PRKN: variants seen among roughly 807,000 people sequenced by gnomAD.
The protein encoded by PRKN is parkin RBR E3 ubiquitin protein ligase.
In PRKN, 56 loss-of-function variants were observed where a neutral mutation model predicts 59.5. That is an observed-to-expected ratio of 0.94 (90% CI 0.76 to 1.18). PRKN has a LOEUF of 1.18. Among genes scored for constraint, PRKN ranks in the 50% most tolerant of loss-of-function variants. The pLI, the probability that PRKN is intolerant of heterozygous loss-of-function variation, is 0.00. For synonymous variants in PRKN, 250 were observed against 222.1 expected (o/e 1.13, Z -1.12); for missense variants, 657 against 596.4 (o/e 1.10, Z -1.06).
Position 161,356,341 on chromosome 6 carries a change from G to A in PRKN, c.1285+3747C>T, listed in dbSNP as rs1784748206. The stretch of plus-strand genomic sequence containing the variant: ...TGGGGTAAGATCTGAAGGACAGGAA[G>A]GAGCCAGCCATGGGCAGTGACGACA... On this transcript the variant is annotated intron_variant, in intron 11 of 11. Coordinates refer to ENST00000366898, the MANE Select transcript of PRKN (RefSeq NM_004562.3). This position sits in a 1 kb window ranked among gnomAD's most constrained non-coding sequence, Gnocchi z 7.8. Among the ~76,000 whole-genome samples, 1 of 152,182 alleles carries A rather than the reference G, an allele frequency of 6.6e-6. No individual in the cohort carries two copies.
At chr6:162,668,577 A>AT (rs1376706987) in intron 1 of PRKN, among the ~76,000 whole-genome samples, 1 of 152,094 alleles carries the variant, frequency 6.6e-6, no homozygotes, top group Non-Finnish European at 1.5e-5. Flanking sequence ...AGGGAGCACC[A>AT]TAAGTGGCTG....
chr6:162,095,787 C>T (rs1779699269), intron 4 of PRKN, among the ~76,000 whole-genome samples: 2 of 152,120 alleles, frequency 1.3e-5, no homozygotes, highest in South Asian at 4.1e-4. Context: ...TGTGTGTCTC[C>T]AGGCTACCTT....
At chr6:161,364,182 A>AG (rs1429746088) in intron 10 of PRKN, among the ~76,000 whole-genome samples, 1 of 149,318 alleles carries the variant, frequency 6.7e-6, no homozygotes, top group African/African-American at 2.5e-5. Flanking sequence ...AAAAAAAAAA[A>AG]AAAAAGAAAA....
At chr6:162,124,823 C>T (rs1317367478) in intron 4 of PRKN, among the ~76,000 whole-genome samples, 3 of 152,096 alleles carry the variant, frequency 2.0e-5, no homozygotes, top group Admixed American at 6.6e-5. Flanking sequence ...AAGTAACCTT[C>T]GGGACCATCC....
chr6:161,926,172 C>A lies in PRKN; in HGVS notation c.734+47130G>T, dbSNP rs150949762. ...GGTGAACACTTAGAATGACAAGGAA[C>A]TGCCACTTCGTTCTTGACCTGTAGA... On this transcript the variant is annotated intron_variant, in intron 6 of 11. Transcript: ENST00000366898. 3.4e-3 allele frequency among the ~76,000 whole-genome samples: 523 copies of A among 152,280 alleles called. 1 individual carries two copies. Among genetic ancestry groups the A allele is most frequent in the African/African-American group, 0.012 (501 of 41,546 alleles).
At chr6:162,219,192 AT>A (rs1449991834) in intron 3 of PRKN, among the ~76,000 whole-genome samples, 7 of 152,130 alleles carry the variant, frequency 4.6e-5, no homozygotes, top group African/African-American at 1.7e-4. Context: ...TCTTGCCCAA[AT>A]AAATAACTAA....
chr6:161,600,195 C>T (rs911695029), intron 7 of PRKN, among the ~76,000 whole-genome samples: 9 of 152,068 alleles, frequency 5.9e-5, no homozygotes, highest in Non-Finnish European at 1.2e-4. Flanking sequence ...TTCTCTCATC[C>T]TTTTCTGTTA....
At chr6:161,418,989 T>C (rs902057540) in intron 9 of PRKN, among the ~76,000 whole-genome samples, 41 of 152,154 alleles carry the variant, frequency 2.7e-4, no homozygotes, top group African/African-American at 9.4e-4. Context: ...TCGTATATCA[T>C]AGAAAATTAG....
intron 1 of PRKN, among the ~76,000 whole-genome samples, chr6:162,593,508 C>T (rs184544326): frequency 4.6e-5 from 7 of 152,298 alleles, no homozygotes; most frequent in Admixed American, 1.3e-4. Context: ...GGACTTTACA[C>T]AGTACGGTTT....
intron 7 of PRKN, among the ~76,000 whole-genome samples, chr6:161,703,586 G>A (rs1321286766): frequency 5.3e-5 from 8 of 152,078 alleles, no homozygotes; most frequent in Admixed American, 2.6e-4. Flanking sequence ...ACAGCCACAC[G>A]ATTCCCACCT....
At chr6:161,879,874 A>G (rs1017235277) in intron 6 of PRKN, among the ~76,000 whole-genome samples, 1 of 152,044 alleles carries the variant, frequency 6.6e-6, no homozygotes, top group Non-Finnish European at 1.5e-5. Flanking sequence ...TTTTTGTTTC[A>G]GATCTGTAGG....
chr6:162,122,202 G>A (rs965291043), intron 4 of PRKN, among the ~76,000 whole-genome samples: 1 of 152,110 alleles, frequency 6.6e-6, no homozygotes. Flanking sequence ...TTTACCAGAT[G>A]AATCCTGTGG....
At chr6:162,489,952 T>G (rs1792728286) in intron 1 of PRKN, among the ~76,000 whole-genome samples, 1 of 152,202 alleles carries the variant, frequency 6.6e-6, no homozygotes, top group African/African-American at 2.4e-5. Flanking sequence ...TCCTTGTTTC[T>G]TTTTAAAGCA....
chr6:162,727,005 A>G (rs1383315867), intron 1 of PRKN: 1 of 152,204 alleles, frequency 6.6e-6, no homozygotes, highest in African/African-American at 2.4e-5. Flanking sequence ...TTTTACAAAA[A>G]AAAAAAAGAA....
In PRKN at chr6:161,777,793, G is replaced by GTAT. The variant is rs200958113; in HGVS notation, c.871+7978_871+7979insATA. Reference sequence around the variant, plus strand: ...TATGTATATATGTATATGTATATATGATATATGTATATATGTATATATGTG... The same window carrying GTAT: ...TATGTATATATGTATATGTATATATGTATATATATGTATATATGTATATATGTG... On this transcript the variant is annotated intron_variant, in intron 7 of 11. Coordinates refer to ENST00000366898, the MANE Select transcript of PRKN (RefSeq NM_004562.3). 5.3e-3 allele frequency among the ~76,000 whole-genome samples: 724 copies of GTAT among 136,284 alleles called. 11 individuals are homozygous for GTAT. The highest frequency in any genetic ancestry group is 0.019 in the African/African-American group (681 of 35,740). 89.4% of individuals were successfully genotyped at this position (136,284 alleles called of 152,430 possible).
chr6:162,727,322 G>GGGCGGC (rs1334613875), intron 1 of PRKN: 49 of 383,336 alleles, frequency 1.3e-4, no homozygotes, highest in African/African-American at 9.7e-4. Flanking sequence ...CGAAGGTGAG[G>GGGCGGC]GGCGGCGGCG....
chr6:161,709,971 A>C (rs768864705), intron 7 of PRKN, among the ~76,000 whole-genome samples: 18 of 152,172 alleles, frequency 1.2e-4, no homozygotes, highest in Non-Finnish European at 1.5e-4. Context: ...CTTCCTCAAC[A>C]GTCAGTGCTT....
intron 1 of PRKN, among the ~76,000 whole-genome samples, chr6:162,662,183 G>C (rs1167672537): frequency 6.6e-6 from 1 of 151,408 alleles, no homozygotes; most frequent in Non-Finnish European, 1.5e-5. Context: ...AGTTCTTACA[G>C]AAATCTCCAA....
chr6:161,540,271 A>G (rs1779571814), intron 9 of PRKN, among the ~76,000 whole-genome samples: 4 of 152,224 alleles, frequency 2.6e-5, no homozygotes, highest in Admixed American at 2.6e-4. Context: ...TCGCCCTATG[A>G]AAATATTTTA....
Sources: allele counts gnomAD v4.1 joint callset (sites outside exome capture counted in the v4.1 genomes callset), GRCh38; gene constraint gnomAD v4.1.1; non-coding constraint Gnocchi (gnomAD v3.1); transcripts MANE v1.5; gene names NCBI Gene and HGNC (gene_info 2026-07-23, HGNC 2026-07-21).